NCAPH2: variants seen among roughly 807,000 people sequenced by gnomAD.
NCAPH2 encodes the protein condensin-2 complex subunit H2.
NCAPH2 carries 56 observed loss-of-function variants against 88.6 expected under a neutral mutation model. The ratio of observed to expected loss-of-function variants is 0.63; its 90% CI spans 0.51 to 0.79. The LOEUF (loss-of-function observed/expected upper bound fraction) is 0.79. Among genes scored for constraint, NCAPH2 ranks in the 30% least tolerant of loss-of-function variants. The probability of loss-of-function intolerance (pLI) is 0.00; values close to 1 mark genes in which losing one functional copy is unlikely to be tolerated. For missense variants in NCAPH2, 794 were observed against 792.0 expected (o/e 1.00, Z -0.03); for synonymous variants, 378 against 313.6 (o/e 1.21, Z -2.17).
At chr22:50,517,897 T>C in intron 5 of NCAPH2, 76 bp from the exon 6 acceptor site, 1 of 1,602,346 alleles carries the variant, frequency 6.2e-7, no homozygotes, top group East Asian at 2.2e-5. Context: ...TGGGAAGGTG[T>C]CATTGCCCCA....
chr22:50,508,521 G>C, intron 1 of NCAPH2, 76 bp downstream of exon 1: 3 of 934,660 alleles, frequency 3.2e-6, no homozygotes, highest in Non-Finnish European at 4.4e-6. Flanking sequence ...GCCCGGGGCT[G>C]TGGGCGCCCC....
At chr22:50,517,167 A>C (rs868090411) in intron 2 of NCAPH2, among the ~76,000 whole-genome samples, 2 of 152,368 alleles carry the variant, frequency 1.3e-5, no homozygotes, top group South Asian at 4.1e-4. Context: ...TCAGGGTCAC[A>C]CGTTGAGAAG....
In NCAPH2 at chr22:50,523,076, C is replaced by T. The variant is rs957837345; in HGVS notation, c.1587C>T (p.Pro529=). The stretch of plus-strand genomic sequence containing the variant: ...GGGACCAGCTGGTCTCACGGTTCCC[C>T]CAGCTCAATGAGTGGTGTCCCTTTG... ...TYGDQLVSRF[P]QLNEWCPFAE... Residue 529 remains proline (P), a synonymous_variant, in exon 19 of 20, where the codon CCC becomes CCT. Coordinates refer to ENST00000420993, the MANE Select transcript of NCAPH2 (RefSeq NM_152299.4). 5.6e-6 allele frequency: 9 copies of T among 1,610,582 alleles called. No individual in the cohort carries two copies. Among genetic ancestry groups the T allele is most frequent in the Admixed American group, 3.3e-5 (2 of 59,874 alleles).
At chr22:50,519,397 C>G (rs1475545214) in intron 9 of NCAPH2, 77 bp downstream of exon 9, 6 of 1,581,446 alleles carry the variant, frequency 3.8e-6, no homozygotes, top group Non-Finnish European at 5.2e-6. Context: ...TCACCTTGCA[C>G]AAGGAGGACA....
chr22:50,518,914 C>A (rs1163974794), intron 8 of NCAPH2, among the ~76,000 whole-genome samples, 182 bp downstream of exon 8: 1 of 152,230 alleles, frequency 6.6e-6, no homozygotes, highest in African/African-American at 2.4e-5. Context: ...GAGCCTCAGC[C>A]CATCTTGGTT....
Position 50,519,291 on chromosome 22 carries a change from G to A in NCAPH2, c.832G>A (p.Glu278Lys). The change falls in exon 9 of 20, where the codon GAG (glutamate) becomes AAG (lysine). Residue 278 changes from glutamate (E) to lysine (K), a missense_variant. Glu to Lys is a moderately conservative substitution (Grantham distance 56). Transcript: ENST00000420993. ...PEASAPKAAL[E>K]PKESRSPQQS... ...GGCCTCGGCCCCCAAGGCCGCTCTGGAGCCCAAGGAGTCCAGGAGCCCGCA... is the reference window on the plus strand; with the variant it reads ...GGCCTCGGCCCCCAAGGCCGCTCTGAAGCCCAAGGAGTCCAGGAGCCCGCA... 1 of 1,607,290 alleles carries A rather than the reference G, an allele frequency of 6.2e-7. No individual in the cohort carries two copies. The highest frequency in any genetic ancestry group is 8.5e-7 in the Non-Finnish European group (1 of 1,177,600).
At chr22:50,508,812 G>C (rs1161131537) in intron 1 of NCAPH2, among the ~76,000 whole-genome samples, 1 of 152,244 alleles carries the variant, frequency 6.6e-6, no homozygotes, top group African/African-American at 2.4e-5. Flanking sequence ...CACGATGTCA[G>C]AGGAATTTTT....
intron 1 of NCAPH2, among the ~76,000 whole-genome samples, chr22:50,515,554 G>T (rs529095614): frequency 2.6e-5 from 4 of 152,042 alleles, no homozygotes; most frequent in Non-Finnish European, 5.9e-5. Context: ...CCGCCACCAC[G>T]CCCAGCTAAT....
In NCAPH2 at chr22:50,524,011, G is replaced by T. The variant is rs375058715; in HGVS notation, c.*636G>T. ...CTCCAGCTCGTCTGGGCAGATGTCA[G>T]GGCAGTGAGTGAAGCCAAAGTACAT... On this transcript the variant is annotated 3_prime_UTR_variant, in exon 20 of 20. Coordinates refer to ENST00000420993, the MANE Select transcript of NCAPH2 (RefSeq NM_152299.4). The T allele has an allele frequency of 3.0e-5, 48 of 1,613,294 alleles. No homozygotes were observed. The highest frequency in any genetic ancestry group is 4.0e-5 in the African/African-American group (3 of 74,748).
chr22:50,510,707 G>A (rs1012101642), intron 1 of NCAPH2, among the ~76,000 whole-genome samples: 3 of 152,346 alleles, frequency 2.0e-5, no homozygotes, highest in African/African-American at 7.2e-5. Flanking sequence ...TGGGATTACA[G>A]ACGTGAGCCA....
chr22:50,523,399 G>A lies in NCAPH2; in HGVS notation c.*24G>A. ...GAGTGGGGAGCACCGAGGCAGGGGTGGGGGAATGTGTACTGAGGAGCCGTG... is the reference window on the plus strand; with the variant it reads ...GAGTGGGGAGCACCGAGGCAGGGGTAGGGGAATGTGTACTGAGGAGCCGTG... On this transcript the variant is annotated 3_prime_UTR_variant, in exon 20 of 20. Transcript: ENST00000420993. 1 of 1,532,392 alleles carries A rather than the reference G, an allele frequency of 6.5e-7. No individual in the cohort carries two copies. The highest frequency in any genetic ancestry group is 8.8e-7 in the Non-Finnish European group (1 of 1,138,482). 94.9% of individuals were successfully genotyped at this position (1,532,392 alleles called of 1,614,324 possible).
In NCAPH2 at chr22:50,522,815, C is replaced by T; in HGVS notation, c.1426-6C>T. 1 of 1,613,128 alleles carries T rather than the reference C, an allele frequency of 6.2e-7. No homozygotes were observed. The highest frequency in any genetic ancestry group is 8.5e-7 in the Non-Finnish European group (1 of 1,179,910). ...GAGGCAGTAGCTCCTGCTGATCCTC[C>T]CCTAGGAGCTCTTCATCGCCACCTC... On this transcript the variant is annotated splice_region_variant and splice_polypyrimidine_tract_variant and intron_variant, in intron 17 of 19. Transcript: ENST00000420993.
Position 50,518,004 on chromosome 22 carries a change from C to G in NCAPH2, c.452C>G (p.Ala151Gly). 6.2e-7 allele frequency: 1 copy of G among 1,613,992 alleles called. No individual in the cohort carries two copies. Among genetic ancestry groups the G allele is most frequent in the Non-Finnish European group, 8.5e-7 (1 of 1,179,966 alleles). The change falls in exon 6 of 20, where the codon GCC (alanine) becomes GGC (glycine). Residue 151 changes from alanine to glycine, a missense_variant. This residue lies in a region of NCAPH2 where 735 missense variants were observed against 696.3 expected (regional missense o/e 1.06). Transcript: ENST00000420993. ...CTCATCATCCCCCTCCTGCCCATGG[C>G]CCTGGTGGCCCCTGATGAAATGGAG... ...EVLIIPLLPM[A>G]LVAPDEMEKN...
chr22:50,508,691 TTGAG>T lies in NCAPH2; in HGVS notation c.108+249_108+252del, dbSNP rs147084438. Among the ~76,000 whole-genome samples, 631 of 152,356 alleles carry T rather than the reference TTGAG, an allele frequency of 4.1e-3. 9 individuals carry two copies. Among genetic ancestry groups the T allele is most frequent in the African/African-American group, 0.015 (605 of 41,586 alleles). ...CTACCCGTCAGCGAGCCGTGAATGA[TTGAG>T]TGGGTGGTGACCAGCCGTTTCTCTA... On this transcript the variant is annotated intron_variant, in intron 1 of 19. Transcript: ENST00000420993.
chr22:50,518,807 G>A (rs1374657863), intron 8 of NCAPH2, 75 bp downstream of exon 8: 6 of 1,348,284 alleles, frequency 4.5e-6, no homozygotes, highest in Non-Finnish European at 1.0e-6. Flanking sequence ...CCAGTGGACA[G>A]GGCTCCAAGG....
intron 9 of NCAPH2, among the ~76,000 whole-genome samples, chr22:50,520,052 A>T (rs1367472011): frequency 2.6e-5 from 4 of 151,286 alleles, no homozygotes; most frequent in Non-Finnish European, 5.9e-5. Context: ...TTGTATTTTT[A>T]GTAGAGACGG....
rs371804217 is a variant in NCAPH2 at position 50,509,788 on chromosome 22, G to C, written c.108+1343G>C. Among the ~76,000 whole-genome samples the C allele has an allele frequency of 7.2e-5, 11 of 152,086 alleles. No homozygotes were observed. In the East Asian group the frequency reaches 7.7e-4, roughly 11 times the overall value. ...AATTTCCTTCTCTGAACCTGGCTCT[G>C]CTCTCCATTTTAGCCTCATTTTGGG... On this transcript the variant is annotated intron_variant, in intron 1 of 19. Coordinates refer to ENST00000420993, the MANE Select transcript of NCAPH2 (RefSeq NM_152299.4).
chr22:50,517,968 T>C lies in NCAPH2; in HGVS notation c.421-5T>C, dbSNP rs1330157055. 4 of 1,612,648 alleles carry C rather than the reference T, an allele frequency of 2.5e-6. No individual in the cohort carries two copies. Among genetic ancestry groups the C allele is most frequent in the Admixed American group, 1.7e-5 (1 of 59,918 alleles). The stretch of plus-strand genomic sequence containing the variant: ...CTGGCTCACCCACCCTTGGCCTCCA[T>C]GCAGGAGGTCCTCATCATCCCCCTC... On this transcript the variant is annotated splice_polypyrimidine_tract_variant and splice_region_variant and intron_variant, in intron 5 of 19. Transcript: ENST00000420993.
chr22:50,517,498 A>G lies in NCAPH2; in HGVS notation c.266+16A>G. The G allele has an allele frequency of 6.2e-7, 1 of 1,613,828 alleles. No individual in the cohort carries two copies. Among genetic ancestry groups the G allele is most frequent in the Non-Finnish European group, 8.5e-7 (1 of 1,179,920 alleles). On this transcript the variant is annotated intron_variant, in intron 3 of 19. Transcript: ENST00000420993. ...CTGGAAAGAGGTGAGTTCTGCAGCCACTCACTGTGCTGCCCTGCATGTGGC... is the reference window on the plus strand; with the variant it reads ...CTGGAAAGAGGTGAGTTCTGCAGCCGCTCACTGTGCTGCCCTGCATGTGGC...
Sources: gnomAD v4.1 joint callset for allele counts (sites outside exome capture counted in the v4.1 genomes callset) on GRCh38, gnomAD v4.1.1 for gene constraint, gnomAD v4.1.1 regional missense constraint, MANE v1.5 for transcripts, NCBI Gene and HGNC (gene_info 2026-07-23, HGNC 2026-07-21) for gene names.